Variants in RNF24 observed in about 807,000 individuals in gnomAD.
RNF24 encodes the protein ring finger protein 24.
RNF24 carries 14 observed loss-of-function variants against 20.0 expected under a neutral mutation model. That is an observed-to-expected ratio of 0.70 (90% CI 0.46 to 1.10). The LOEUF (loss-of-function observed/expected upper bound fraction) is 1.10, where lower values mean the gene tolerates loss of function less well. RNF24 is among the 50% of genes least tolerant of loss of function. The probability of loss-of-function intolerance (pLI) is 0.00; values close to 1 mark genes in which losing one functional copy is unlikely to be tolerated. For synonymous variants in RNF24, 45 were observed against 61.1 expected (o/e 0.74, Z 1.23); for missense variants, 124 against 177.6 (o/e 0.70, Z 1.71).
chr20:3,987,972 G>GCT (rs1476386428), intron 1 of RNF24, among the ~76,000 whole-genome samples: 1 of 152,038 alleles, frequency 6.6e-6, no homozygotes, highest in Non-Finnish European at 1.5e-5. Flanking sequence ...AATCACATAT[G>GCT]TAAGCATCTT....
chr20:3,940,046 C>T (rs2090936835), intron 4 of RNF24, among the ~76,000 whole-genome samples: 2 of 152,030 alleles, frequency 1.3e-5, no homozygotes, highest in Admixed American at 1.3e-4. Context: ...ACAACCTCTG[C>T]CTTCTGGGTT....
chr20:3,997,894 A>G (rs1981019282), intron 1 of RNF24, among the ~76,000 whole-genome samples: 2 of 152,246 alleles, frequency 1.3e-5, no homozygotes, highest in Non-Finnish European at 2.9e-5. Flanking sequence ...AACTACATTC[A>G]GCACTAATTA....
intron 4 of RNF24, among the ~76,000 whole-genome samples, chr20:3,935,390 C>T (rs1447439275): frequency 6.6e-6 from 1 of 152,178 alleles, no homozygotes; most frequent in Non-Finnish European, 1.5e-5. Flanking sequence ...GCCAGCTTAG[C>T]CTGCTGTCCC....
At chr20:3,976,893 T>A (rs1444802651) in intron 1 of RNF24, among the ~76,000 whole-genome samples, 1 of 152,242 alleles carries the variant, frequency 6.6e-6, no homozygotes, top group Non-Finnish European at 1.5e-5. Context: ...GATATTATAC[T>A]ATAGTTTTAC....
At chr20:4,014,737 G>GCA (rs1491447733) in intron 1 of RNF24, among the ~76,000 whole-genome samples, 17 of 106,350 alleles carry the variant, frequency 1.6e-4, no homozygotes, top group South Asian at 2.9e-4. Context: ...TCACTTGAAT[G>GCA]CGCACACACA....
At chr20:3,985,050 AACC>A (rs61005755) in intron 1 of RNF24, among the ~76,000 whole-genome samples, 20,838 of 151,958 alleles carry the variant, frequency 0.14, 1,565 homozygotes, top group Non-Finnish European at 0.17. Flanking sequence ...GAACAACAAC[AACC>A]ACAACAACAA....
chr20:3,936,513 C>A lies in RNF24; in HGVS notation c.229-1440G>T, dbSNP rs557170696. Among the ~76,000 whole-genome samples the A allele has an allele frequency of 2.6e-5, 4 of 152,260 alleles. No individual in the cohort carries two copies. In the South Asian group the frequency reaches 8.3e-4, roughly 32 times the overall value. ...TATAATGGAAGTACTGTTTGCAAGC[C>A]CATTTTTGTCCTCTGAAGGGAGGCT... On this transcript the variant is annotated intron_variant, in intron 4 of 5. Coordinates refer to ENST00000358395, the MANE Select transcript of RNF24 (RefSeq NM_001134337.3).
At chr20:3,999,962 A>T (rs1406788298) in intron 1 of RNF24, among the ~76,000 whole-genome samples, 1 of 152,216 alleles carries the variant, frequency 6.6e-6, no homozygotes, top group Non-Finnish European at 1.5e-5. Context: ...GCAAATCTAT[A>T]GAAATAGAAA....
intron 1 of RNF24, among the ~76,000 whole-genome samples, chr20:4,014,241 C>T (rs1982693820): frequency 6.6e-6 from 1 of 152,174 alleles, no homozygotes. Flanking sequence ...TGCAATAAAA[C>T]CCTCTGCCAA....
chr20:3,960,405 C>T (rs1213521052), intron 2 of RNF24, among the ~76,000 whole-genome samples: 1 of 152,224 alleles, frequency 6.6e-6, no homozygotes, highest in Non-Finnish European at 1.5e-5. Context: ...CGCGGTGGCT[C>T]ATGCCTGTAA....
At chr20:3,970,268 G>A (rs997542331) in intron 1 of RNF24, among the ~76,000 whole-genome samples, 3 of 152,072 alleles carry the variant, frequency 2.0e-5, no homozygotes, top group Non-Finnish European at 4.4e-5. Context: ...GTCAATAAAG[G>A]CTAAATAGGG....
At chr20:3,966,507 T>TGTGTGTGTGTGTGTGTGTGTGTG (rs60638000) in intron 1 of RNF24, among the ~76,000 whole-genome samples, 155 of 145,244 alleles carry the variant, frequency 1.1e-3, no homozygotes, top group Admixed American at 1.3e-3. Context: ...TGTGTGTGTG[T>TGTGTGTGTGTGTGTGTGTGTGTG]TTGGGGAAAG....
rs189599386 is a variant in RNF24 at position 3,943,761 on chromosome 20, A to G, written c.228+1416T>C. On this transcript the variant is annotated intron_variant, in intron 4 of 5. Coordinates refer to ENST00000358395, the MANE Select transcript of RNF24 (RefSeq NM_001134337.3). The stretch of plus-strand genomic sequence containing the variant: ...CAAAGTTTCTAAACTAACAGGTCAC[A>G]CCAGTAAGGAAGACTTCTGTTCTGG... Among the ~76,000 whole-genome samples the G allele has an allele frequency of 3.2e-4, 49 of 152,336 alleles. No individual in the cohort carries two copies. The East Asian group carries it at 8.9e-3, about 28-fold the overall frequency.
intron 2 of RNF24, among the ~76,000 whole-genome samples, chr20:3,950,458 ACT>A (rs1180361428): frequency 7.9e-5 from 12 of 151,704 alleles, no homozygotes; most frequent in Non-Finnish European, 1.5e-4. Flanking sequence ...GGCAAGAAAG[ACT>A]CTCTCCTAGA....
intron 1 of RNF24, among the ~76,000 whole-genome samples, chr20:3,976,764 A>G (rs1978902651): frequency 6.6e-6 from 1 of 152,244 alleles, no homozygotes; most frequent in Non-Finnish European, 1.5e-5. Context: ...GTGAATGAAA[A>G]AAGCCAATCC....
At chr20:3,985,941 T>A (rs1488812861) in intron 1 of RNF24, among the ~76,000 whole-genome samples, 1 of 152,154 alleles carries the variant, frequency 6.6e-6, no homozygotes, top group Non-Finnish European at 1.5e-5. Flanking sequence ...TTTCTCCTAG[T>A]AGAGGTCTGG....
rs1446396057 is a variant in RNF24, at chr20:3,933,448, G to A, written c.*615C>T. The A allele has an allele frequency of 1.7e-5, 6 of 348,452 alleles. No individual in the cohort carries two copies. The highest frequency in any genetic ancestry group is 4.3e-5 in the East Asian group (1 of 23,174). 21.6% of individuals were successfully genotyped at this position (348,452 alleles called of 1,614,324 possible). ...GGCTTCTGACTAGGCCTTTCCAAGC[G>A]CATCTCATGTTTTCAGCTTAGATGA... On this transcript the variant is annotated 3_prime_UTR_variant, in exon 6 of 6. Transcript: ENST00000358395.
intron 1 of RNF24, among the ~76,000 whole-genome samples, chr20:3,988,045 G>A (rs1980084602): frequency 6.6e-6 from 1 of 152,124 alleles, no homozygotes. Context: ...ATTTCAGGCT[G>A]GGCGTGGTCG....
intron 1 of RNF24, among the ~76,000 whole-genome samples, chr20:3,985,853 C>T (rs1027885140): frequency 2.6e-5 from 4 of 151,970 alleles, no homozygotes; most frequent in African/African-American, 7.3e-5. Flanking sequence ...ATTCTCCTAC[C>T]TCCGCCTCCC....
Sources: gnomAD v4.1 joint callset for allele counts (sites outside exome capture counted in the v4.1 genomes callset) on GRCh38, gnomAD v4.1.1 for gene constraint, MANE v1.5 for transcripts, NCBI Gene and HGNC (gene_info 2026-07-23, HGNC 2026-07-21) for gene names.